STAG1: variants seen among roughly 807,000 people sequenced by gnomAD.
The protein encoded by STAG1 is STAG1 cohesin complex component, also known as cohesin subunit SA-1.
A neutral mutation model predicts 170.9 loss-of-function variants in STAG1; 26 were observed. The observed-to-expected ratio is 0.15, with a 90% CI of 0.11 to 0.21. The LOEUF is 0.21. Among genes scored for constraint, STAG1 ranks in the 10% least tolerant of loss-of-function variants. STAG1 has a pLI of 1.00. For synonymous variants in STAG1, 514 were observed against 497.7 expected, an observed-to-expected ratio of 1.03 and a Z score of -0.44; for missense variants, 964 against 1,509.5, an observed-to-expected ratio of 0.64 and a Z score of 5.99.
chr3:136,551,266 A>AGC (rs1469438330), intron 5 of STAG1, among the ~76,000 whole-genome samples: 3 of 140,348 alleles, frequency 2.1e-5, no homozygotes, highest in African/African-American at 5.4e-5. Context: ...AGAGAGGGAG[A>AGC]GCGAGAGAGC....
chr3:136,745,412 T>A (rs1444560627), intron 1 of STAG1, among the ~76,000 whole-genome samples: 1 of 152,174 alleles, frequency 6.6e-6, no homozygotes, highest in Non-Finnish European at 1.5e-5. Flanking sequence ...ACGTTTTTGG[T>A]ACCAGGGACC....
In STAG1 at chr3:136,442,001, G is replaced by A. The variant is rs140029620; in HGVS notation, c.1546+1286C>T. On this transcript the variant is annotated intron_variant, in intron 15 of 33. Transcript: ENST00000383202. ...TCACCTGAGCTCAGGAGTTCAAGAC[G>A]AGCCTGGTCAACATGGTGAAATCCT... 1.2e-3 allele frequency among the ~76,000 whole-genome samples: 184 copies of A among 152,166 alleles called. 1 individual carries two copies. The highest frequency in any genetic ancestry group is 0.012 in the East Asian group (61 of 5,162).
intron 1 of STAG1, among the ~76,000 whole-genome samples, chr3:136,663,984 G>A (rs545113423): frequency 6.6e-6 from 1 of 152,262 alleles, no homozygotes; most frequent in East Asian, 1.9e-4. Context: ...GGTTAGGGGT[G>A]GGATATCATC....
At chr3:136,621,475 T>A (rs1939845352) in intron 3 of STAG1, among the ~76,000 whole-genome samples, 1 of 152,186 alleles carries the variant, frequency 6.6e-6, no homozygotes, top group Non-Finnish European at 1.5e-5. Flanking sequence ...TAATGGGAAC[T>A]AGAATAGTCA....
chr3:136,459,381 G>A (rs2107789115), intron 13 of STAG1, among the ~76,000 whole-genome samples: 1 of 152,108 alleles, frequency 6.6e-6, no homozygotes, highest in South Asian at 2.1e-4. Flanking sequence ...AAGACATAAG[G>A]AAAGAGAGTA....
chr3:136,381,458 A>G lies in STAG1; in HGVS notation c.2278-3706T>C, dbSNP rs558309170. 1.7e-3 allele frequency among the ~76,000 whole-genome samples: 253 copies of G among 152,066 alleles called. 2 individuals carry two copies. Among genetic ancestry groups the G allele is most frequent in the Non-Finnish European group, 1.9e-3 (128 of 67,970 alleles). On this transcript the variant is annotated intron_variant, in intron 22 of 33. Coordinates refer to ENST00000383202, the MANE Select transcript of STAG1 (RefSeq NM_005862.3). ...GACAAATGCCACAGAGAGATTAGAG[A>G]TAAGTATTAAAAGTGCCAGGGATAT...
chr3:136,654,079 T>C (rs1941298302), intron 1 of STAG1, among the ~76,000 whole-genome samples: 1 of 152,108 alleles, frequency 6.6e-6, no homozygotes, highest in Admixed American at 6.5e-5. Flanking sequence ...ATCAGGAACA[T>C]AAGAAGAATG....
At chr3:136,398,851 T>G (rs201143290) in intron 21 of STAG1, 22 bp from the exon 22 acceptor site, 24 of 1,503,586 alleles carry the variant, frequency 1.6e-5, no homozygotes, top group Non-Finnish European at 2.1e-5. Context: ...GAAAAAAAAT[T>G]TTTTTAATGA....
intron 6 of STAG1, among the ~76,000 whole-genome samples, chr3:136,539,047 TG>T (rs1278534092): frequency 6.6e-6 from 1 of 150,832 alleles, no homozygotes; most frequent in East Asian, 2.0e-4. Context: ...GGCAGGAGAA[TG>T]GCGTGAACCC....
At chr3:136,558,901 G>A (rs1235267646) in intron 5 of STAG1, among the ~76,000 whole-genome samples, 2 of 152,104 alleles carry the variant, frequency 1.3e-5, no homozygotes, top group African/African-American at 4.8e-5. Flanking sequence ...ATTCATATAA[G>A]GTATACTTTA....
chr3:136,405,531 C>T (rs145395641), intron 21 of STAG1, among the ~76,000 whole-genome samples: 370 of 151,314 alleles, frequency 2.4e-3, no homozygotes, highest in Non-Finnish European at 4.8e-3. Flanking sequence ...CATAGGACAC[C>T]GCGTCCAGCC....
intron 1 of STAG1, among the ~76,000 whole-genome samples, chr3:136,643,688 T>C (rs1214977095): frequency 6.6e-6 from 1 of 152,118 alleles, no homozygotes; most frequent in African/African-American, 2.4e-5. Context: ...TTTGTGTTTT[T>C]TGTAGAGATA....
At chr3:136,392,302 G>A (rs1226501902) in intron 22 of STAG1, among the ~76,000 whole-genome samples, 1 of 151,916 alleles carries the variant, frequency 6.6e-6, no homozygotes, top group Non-Finnish European at 1.5e-5. Context: ...GCGGAGAGAG[G>A]TAAAATAAAT....
intron 6 of STAG1, 41 bp from the exon 7 acceptor site, chr3:136,521,458 CAG>C (rs752681698): frequency 6.3e-7 from 1 of 1,575,464 alleles, no homozygotes; most frequent in East Asian, 2.2e-5. Context: ...TGTCACATTA[CAG>C]AGTTTGATGA....
intron 1 of STAG1, among the ~76,000 whole-genome samples, chr3:136,699,825 T>C (rs2107906394): frequency 6.6e-6 from 1 of 152,102 alleles, no homozygotes; most frequent in South Asian, 2.1e-4. Context: ...ACCACTAAAT[T>C]AAAATATACA....
intron 6 of STAG1, among the ~76,000 whole-genome samples, chr3:136,530,243 T>C (rs1014569098): frequency 1.1e-4 from 16 of 152,124 alleles, no homozygotes; most frequent in African/African-American, 3.9e-4. Context: ...AGGCAAACAT[T>C]ACTAAATCTA....
intron 16 of STAG1, among the ~76,000 whole-genome samples, chr3:136,431,257 T>G (rs1428845652): frequency 4.6e-5 from 7 of 151,812 alleles, no homozygotes; most frequent in Non-Finnish European, 8.8e-5. Context: ...CCTTATGATA[T>G]TCCTTATGGC....
In STAG1 at chr3:136,379,449, C is replaced by G. The variant is rs575122037; in HGVS notation, c.2278-1697G>C. 7.9e-5 allele frequency among the ~76,000 whole-genome samples: 12 copies of G among 152,286 alleles called. No homozygotes were observed. In the East Asian group the frequency reaches 1.9e-3, roughly 24 times the overall value. Reference sequence around the variant, plus strand: ...GGTGGCTGGGTGCGGTGGCTCACGCCTGTAATCCCAGCACTTTGGGAGGCT... The same window carrying G: ...GGTGGCTGGGTGCGGTGGCTCACGCGTGTAATCCCAGCACTTTGGGAGGCT... On this transcript the variant is annotated intron_variant, in intron 22 of 33. Coordinates refer to ENST00000383202, the MANE Select transcript of STAG1 (RefSeq NM_005862.3).
At chr3:136,703,165 T>C (rs532618453) in intron 1 of STAG1, among the ~76,000 whole-genome samples, 1 of 151,502 alleles carries the variant, frequency 6.6e-6, no homozygotes, top group East Asian at 1.9e-4. Flanking sequence ...GAAACAATTA[T>C]AAAGCTGGCA....
Sources: gnomAD v4.1 joint callset for allele counts (sites outside exome capture counted in the v4.1 genomes callset) on GRCh38, gnomAD v4.1.1 for gene constraint, MANE v1.5 for transcripts, NCBI Gene and HGNC (gene_info 2026-07-23, HGNC 2026-07-21) for gene names.